Variants in DIS3L2 observed in about 807,000 individuals in gnomAD.
DIS3L2 encodes the protein DIS3-like exonuclease 2.
In DIS3L2, 34 loss-of-function variants were observed where a neutral mutation model predicts 97.5. The ratio of observed to expected loss-of-function variants is 0.35; its 90% CI spans 0.27 to 0.46. The LOEUF is 0.46. Among genes scored for constraint, DIS3L2 ranks in the 20% least tolerant of loss-of-function variants. The probability of loss-of-function intolerance (pLI) is 1.00; values close to 1 mark genes in which losing one functional copy is unlikely to be tolerated. For synonymous variants in DIS3L2, 435 were observed against 445.2 expected (o/e 0.98, Z 0.29); for missense variants, 1,038 against 1,146.0 (o/e 0.91, Z 1.36).
At chr2:232,258,128 A>G (rs866434670) in intron 12 of DIS3L2, among the ~76,000 whole-genome samples, 10 of 152,224 alleles carry the variant, frequency 6.6e-5, no homozygotes, top group South Asian at 6.2e-4. Context: ...ACAGTGCTGT[A>G]GTACATAATT....
At chr2:232,078,005 C>CTTTCTTTCTTTT (rs1168838794) in intron 5 of DIS3L2, among the ~76,000 whole-genome samples, 2 of 119,068 alleles carry the variant, frequency 1.7e-5, no homozygotes, top group African/African-American at 6.6e-5. Context: ...TTCTTTCTTT[C>CTTTCTTTCTTTT]TTTCTTTCTT....
chr2:232,136,660 C>T lies in DIS3L2; in HGVS notation c.891C>T (p.Ala297=). The change falls in exon 8 of 21, where the codon GCC becomes GCT. Residue 297 remains alanine (A), a synonymous_variant. Coordinates refer to ENST00000325385, the MANE Select transcript of DIS3L2 (RefSeq NM_152383.5). The stretch of plus-strand genomic sequence containing the variant: ...TTGTGGCACGGCCTAAAGATTATGC[C>T]AACACACTGTTCATCTGCCGCATTG... ...QDFVARPKDY[A]NTLFICRIVD... 1 of 1,613,858 alleles carries T rather than the reference C, an allele frequency of 6.2e-7. No individual in the cohort carries two copies. Among genetic ancestry groups the T allele is most frequent in the South Asian group, 1.1e-5 (1 of 91,062 alleles).
At chr2:232,202,587 T>C (rs1206126527) in intron 9 of DIS3L2, among the ~76,000 whole-genome samples, 1 of 152,184 alleles carries the variant, frequency 6.6e-6, no homozygotes, top group Non-Finnish European at 1.5e-5. Context: ...TGCTAACGCT[T>C]GAGTTGACCT....
chr2:232,047,616 T>G (rs1296177094), intron 5 of DIS3L2, among the ~76,000 whole-genome samples: 1 of 152,216 alleles, frequency 6.6e-6, no homozygotes, highest in Admixed American at 6.5e-5. Context: ...TATACAGTTC[T>G]GTGGTTTTAG....
chr2:232,086,636 T>TATATGTGTATATATATATATACACAG (rs1559613442), intron 5 of DIS3L2, among the ~76,000 whole-genome samples: 1 of 50,060 alleles, frequency 2.0e-5, no homozygotes, highest in East Asian at 4.8e-4. Context: ...TATACACATA[T>TATATGTGTATATATATATATACACAG]ATATATATGT....
intron 6 of DIS3L2, among the ~76,000 whole-genome samples, chr2:232,123,656 C>T (rs1371640195): frequency 6.6e-6 from 1 of 152,082 alleles, no homozygotes; most frequent in African/African-American, 2.4e-5. Context: ...AAGGCAGATA[C>T]ACCCTCCCAC....
intron 5 of DIS3L2, among the ~76,000 whole-genome samples, chr2:232,059,807 G>A (rs946864711): frequency 3.3e-5 from 5 of 152,064 alleles, no homozygotes; most frequent in Admixed American, 6.6e-5. Flanking sequence ...TGGAAAGGAC[G>A]TGATTTCATT....
intron 5 of DIS3L2, among the ~76,000 whole-genome samples, chr2:232,065,376 C>T (rs1695826361): frequency 6.6e-6 from 1 of 151,798 alleles, no homozygotes; most frequent in South Asian, 2.1e-4. Context: ...TTGTCCATTT[C>T]AAGTTAATTT....
intron 8 of DIS3L2, among the ~76,000 whole-genome samples, chr2:232,145,916 A>G (rs1008328184): frequency 3.3e-5 from 5 of 152,162 alleles, no homozygotes; most frequent in African/African-American, 9.7e-5. Context: ...CCCCCCATCT[A>G]TTGATAAGGA....
At chr2:232,148,221 A>G (rs3116176) in intron 8 of DIS3L2, among the ~76,000 whole-genome samples, 122,034 of 151,830 alleles carry the variant, frequency 0.8, 49,647 homozygotes, top group African/African-American at 0.91. Context: ...AGCAATTTTT[A>G]TATTTTTAGT....
Position 232,170,756 on chromosome 2 carries a change from C to T in DIS3L2, c.1124+7124C>T, listed in dbSNP as rs529701250. On this transcript the variant is annotated intron_variant, in intron 9 of 20. Transcript: ENST00000325385. Reference sequence around the variant, plus strand: ...GGCTGCCAAAATAGAAAACAATGAGCTAAAAATACTAAGCACAGAAAGGGG... The same window carrying T: ...GGCTGCCAAAATAGAAAACAATGAGTTAAAAATACTAAGCACAGAAAGGGG... Among the ~76,000 whole-genome samples the T allele has an allele frequency of 3.3e-5, 5 of 152,038 alleles. No individual in the cohort carries two copies. The South Asian group carries it at 8.3e-4, about 25-fold the overall frequency.
At chr2:232,337,231 T>C, downstream of DIS3L2, 2 of 898,346 alleles carry the variant, frequency 2.2e-6, no homozygotes, top group Non-Finnish European at 2.6e-6. Context: ...AATGTGACTG[T>C]GTCTGACGAA....
rs113596063 is a variant in DIS3L2, at chr2:231,976,356, A to G, written c.-94+14591A>G. ...GAAAATGTCATAGATTGGGCCAGGC[A>G]CGGTAGCTCACGCCTGTAATCCTAA... On this transcript the variant is annotated intron_variant, in intron 1 of 20. Transcript: ENST00000325385. Among the ~76,000 whole-genome samples, 1,001 of 152,240 alleles carry G rather than the reference A, an allele frequency of 6.6e-3. 7 individuals carry two copies. The highest frequency in any genetic ancestry group is 0.013 in the African/African-American group (551 of 41,534).
rs373386599 is a variant in DIS3L2 at position 232,163,466 on chromosome 2, G to T, written c.958G>T (p.Ala320Ser). Residue 320 changes from alanine to serine, a missense_variant, in exon 9 of 21, where the codon GCT becomes TCT. Around this residue, in one of 3 missense-constraint regions of DIS3L2, gnomAD observed 813 missense variants for 880.1 expected, o/e 0.92. Coordinates refer to ENST00000325385, the MANE Select transcript of DIS3L2 (RefSeq NM_152383.5). ...TTTCTGTTCTATCCATAGGCAGCTG[G>T]CTAAGAGTCTTGGGCAGGCTGGTGA... is the stretch of plus-strand genomic sequence containing the variant. ...EDCNFALGQL[A>S]KSLGQAGEIE... is the part of the protein sequence containing the mutation. 1.2e-6 allele frequency: 2 copies of T among 1,613,772 alleles called. No individual in the cohort carries two copies. Among genetic ancestry groups the T allele is most frequent in the Non-Finnish European group, 1.7e-6 (2 of 1,179,916 alleles).
chr2:232,085,200 T>C (rs1179231749), intron 5 of DIS3L2, among the ~76,000 whole-genome samples: 1 of 152,206 alleles, frequency 6.6e-6, no homozygotes, highest in African/African-American at 2.4e-5. Flanking sequence ...ACTGATAAAC[T>C]AGGCACACCC....
intron 5 of DIS3L2, among the ~76,000 whole-genome samples, chr2:232,056,915 G>T (rs1294120688): frequency 1.3e-5 from 2 of 152,180 alleles, no homozygotes; most frequent in East Asian, 1.9e-4. Flanking sequence ...TCATTCCCAG[G>T]TATATGCCCA....
chr2:232,207,149 C>T (rs1248438544), intron 9 of DIS3L2, among the ~76,000 whole-genome samples: 1 of 152,132 alleles, frequency 6.6e-6, no homozygotes, highest in African/African-American at 2.4e-5. Flanking sequence ...AAGAAGAAGA[C>T]CCAAACATTC....
intron 5 of DIS3L2, among the ~76,000 whole-genome samples, chr2:232,066,817 A>G (rs182303258): frequency 1.3e-5 from 2 of 152,146 alleles, no homozygotes; most frequent in African/African-American, 4.8e-5. Context: ...AACAGATACT[A>G]AAGGCTTTTA....
chr2:232,235,241 TA>T (rs1692901487), intron 10 of DIS3L2, among the ~76,000 whole-genome samples: 1 of 152,232 alleles, frequency 6.6e-6, no homozygotes, highest in African/African-American at 2.4e-5. Flanking sequence ...AAAAATATTT[TA>T]AAAGAATGCT....
Sources: allele counts gnomAD v4.1 joint callset (sites outside exome capture counted in the v4.1 genomes callset), GRCh38; gene constraint gnomAD v4.1.1; regional missense constraint gnomAD v4.1.1; transcripts MANE v1.5; gene names NCBI Gene and HGNC (gene_info 2026-07-23, HGNC 2026-07-21).